USP42: variants seen among roughly 807,000 people sequenced by gnomAD.
The protein encoded by USP42 is ubiquitin specific peptidase 42.
Under a neutral mutation model 113.0 loss-of-function variants are expected in USP42, and 23 were observed. The ratio of observed to expected loss-of-function variants is 0.20; its 90% CI spans 0.15 to 0.29. The LOEUF is 0.29. USP42 is among the 10% of genes least tolerant of loss of function. USP42 has a pLI of 1.00. For synonymous variants in USP42, 933 were observed against 699.0 expected, an observed-to-expected ratio of 1.33 and a Z score of -5.28; for missense variants, 2,174 against 1,779.8, an observed-to-expected ratio of 1.22 and a Z score of -3.99.
upstream of USP42, among the ~76,000 whole-genome samples, chr7:6,103,431 G>T (rs763237987): frequency 5.9e-4 from 88 of 150,070 alleles, no homozygotes; most frequent in South Asian, 1.5e-3. Flanking sequence ...AGGTACTTAG[G>T]AGGCTGAGGC....
the USP42 span, among the ~76,000 whole-genome samples, chr7:6,082,130 A>C: frequency 2.7e-5 from 4 of 150,934 alleles, no homozygotes; most frequent in Non-Finnish European, 4.4e-5. Context: ...GTGCGAATTT[A>C]TCCTTTTTTT....
chr7:6,118,935 C>T (rs2128484005), intron 3 of USP42, among the ~76,000 whole-genome samples: 1 of 152,006 alleles, frequency 6.6e-6, no homozygotes, highest in African/African-American at 2.4e-5. Context: ...AGTTTTGTGG[C>T]CAACTGCAGT....
At chr7:6,115,746 T>G (rs1249095419) in intron 3 of USP42, among the ~76,000 whole-genome samples, 6 of 152,124 alleles carry the variant, frequency 3.9e-5, no homozygotes, top group East Asian at 3.9e-4. Flanking sequence ...AAGAAACATT[T>G]TATCAGCTTT....
At chr7:6,093,325 G>A in the USP42 span, among the ~76,000 whole-genome samples, 464 of 143,766 alleles carry the variant, frequency 3.2e-3, 8 homozygotes, top group Non-Finnish European at 2.1e-3. Flanking sequence ...TCACTCTGTT[G>A]CCCAGGCTGG....
At chr7:6,121,114 C>T (rs1363398597) in intron 3 of USP42, among the ~76,000 whole-genome samples, 1 of 151,860 alleles carries the variant, frequency 6.6e-6, no homozygotes, top group Non-Finnish European at 1.5e-5. Context: ...TCTCCATTTC[C>T]AGTCTGTGTA....
rs780327489 is a variant in USP42, at chr7:6,154,200, C to A, written c.2646C>A (p.Asp882Glu). 1.2e-6 allele frequency: 2 copies of A among 1,602,602 alleles called. No individual in the cohort carries two copies. The highest frequency in any genetic ancestry group is 1.7e-5 in the Admixed American group (1 of 59,666). ...LVHPSGDHAR[D>E]AQDPSQSLGA... ...ACCCCAGCGGGGACCACGCCCGGGACGCTCAGGACCCATCCCAGAGCTTGG... is the reference window on the plus strand; with the variant it reads ...ACCCCAGCGGGGACCACGCCCGGGAAGCTCAGGACCCATCCCAGAGCTTGG... Residue 882 changes from aspartate to glutamate, a missense_variant, in exon 15 of 18, where the codon GAC becomes GAA. By Grantham distance (45) the Asp-to-Glu change is conservative (BLOSUM62 2). Transcript: ENST00000306177.
At chr7:6,120,053 C>T (rs1780132434) in intron 3 of USP42, among the ~76,000 whole-genome samples, 1 of 152,158 alleles carries the variant, frequency 6.6e-6, no homozygotes, top group African/African-American at 2.4e-5. Flanking sequence ...GCAACCTACG[C>T]CCCCGGGTTC....
At chr7:6,144,317 A>C in intron 9 of USP42, 121 bp downstream of exon 9, 1 of 639,690 alleles carries the variant, frequency 1.6e-6, no homozygotes. Context: ...TATTACCTAC[A>C]TTTGGGCTTC....
At chr7:6,104,011 G>A (rs1157579120), upstream of USP42, among the ~76,000 whole-genome samples, 2 of 151,304 alleles carry the variant, frequency 1.3e-5, no homozygotes, top group Admixed American at 6.6e-5. Flanking sequence ...TTGAGCCCGG[G>A]AGGTCGCAGC....
chr7:6,083,214 C>T, the USP42 span, among the ~76,000 whole-genome samples: 5 of 146,184 alleles, frequency 3.4e-5, no homozygotes, highest in Admixed American at 1.4e-4. Context: ...CGTGAGCCAC[C>T]GCACCCAGCT....
At chr7:6,114,676 ATATTTTTTTTTT>A (rs1562805275) in intron 2 of USP42, among the ~76,000 whole-genome samples, 9 of 31,264 alleles carry the variant, frequency 2.9e-4, no homozygotes, top group Admixed American at 1.1e-3. Flanking sequence ...ATATATATAT[ATATTTTTTTTTT>A]TTTTTTTTTT....
chr7:6,156,226 T>C (rs1380983929), intron 15 of USP42, among the ~76,000 whole-genome samples: 1 of 152,158 alleles, frequency 6.6e-6, no homozygotes, highest in East Asian at 1.9e-4. Context: ...GGAAAAATAA[T>C]ATTGCTGCCA....
intron 3 of USP42, among the ~76,000 whole-genome samples, chr7:6,121,364 TCATGATG>T (rs532641591): frequency 1.0e-3 from 154 of 152,326 alleles, no homozygotes; most frequent in Non-Finnish European, 1.2e-3. Context: ...TCACACTTGG[TCATGATG>T]CATTATTCTA....
intron 3 of USP42, among the ~76,000 whole-genome samples, chr7:6,125,791 A>G (rs1367183164): frequency 7.3e-6 from 1 of 136,436 alleles, no homozygotes; most frequent in Middle Eastern, 3.8e-3. Context: ...GGGGTTGTTT[A>G]TTTTACTTTG....
In USP42 at chr7:6,131,957, C is replaced by G. The variant is rs78782974; in HGVS notation, c.443-3884C>G. Among the ~76,000 whole-genome samples the G allele has an allele frequency of 3.8e-3, 584 of 152,250 alleles. 2 individuals are homozygous for G. The highest frequency in any genetic ancestry group is 0.013 in the African/African-American group (560 of 41,556). On this transcript the variant is annotated intron_variant, in intron 3 of 17. Transcript: ENST00000306177. ...TTAACATTATTTGTCTTTTTTGAGA[C>G]AGGCTGTCACTCTCACCCAGGCTAG...
intron 8 of USP42, among the ~76,000 whole-genome samples, 160 bp downstream of exon 8, chr7:6,143,174 G>A (rs1010645176): frequency 3.9e-5 from 6 of 152,162 alleles, no homozygotes; most frequent in African/African-American, 9.7e-5. Context: ...AGCCCGGAGT[G>A]TCTTGATGTG....
rs369951067 is a variant in USP42 at position 6,150,313 on chromosome 7, G to C, written c.2106+11G>C. On this transcript the variant is annotated intron_variant, in intron 13 of 17. Transcript: ENST00000306177. ...GGTCTTCCTGGAAAGGTGAGTGCAC[G>C]TCAGGGTCTTCAGCCTCGTTTGTGG... The C allele has an allele frequency of 1.2e-6, 2 of 1,612,130 alleles. No individual in the cohort carries two copies. The highest frequency in any genetic ancestry group is 2.2e-5 in the South Asian group (2 of 90,994).
Position 6,147,815 on chromosome 7 carries a change from A to G in USP42, c.1309A>G (p.Ile437Val), listed in dbSNP as rs764173817. Residue 437 changes from isoleucine (I) to valine (V), a missense_variant, in exon 12 of 18, where the codon ATC becomes GTC. Ile to Val is a conservative substitution (Grantham distance 29). Transcript: ENST00000306177. ...CGGCCAGTCCTCTCCCCGCCCCGTC[A>G]TCAGTCAGCGGGTTGTCACCAACAA... The part of the protein sequence containing the change: ...SPGQSSPRPV[I>V]SQRVVTNKQA... The G allele has an allele frequency of 6.2e-7, 1 of 1,613,680 alleles. No homozygotes were observed.
chr7:6,111,354 C>T lies in USP42; in HGVS notation c.221C>T (p.Pro74Leu), dbSNP rs868632143. The T allele has an allele frequency of 1.9e-6, 3 of 1,611,672 alleles. No individual in the cohort carries two copies. The highest frequency in any genetic ancestry group is 2.7e-5 in the African/African-American group (2 of 74,888). The change falls in exon 2 of 18, where the codon CCA (proline) becomes CTA (leucine). Residue 74 changes from proline (P) to leucine (L), a missense_variant. Pro to Leu is a moderately conservative substitution (Grantham distance 98). Coordinates refer to ENST00000306177, the MANE Select transcript of USP42 (RefSeq NM_032172.3). ...SSSSVPDKSK[P>L]SPQKDQALGD... Reference sequence around the variant, plus strand: ...TCATCTGTACCTGATAAATCAAAACCATCACCACAAAAGGATCAAGGTACT... The same window carrying T: ...TCATCTGTACCTGATAAATCAAAACTATCACCACAAAAGGATCAAGGTACT...
Sources: gnomAD v4.1 joint callset for allele counts (sites outside exome capture counted in the v4.1 genomes callset) on GRCh38, gnomAD v4.1.1 for gene constraint, MANE v1.5 for transcripts, NCBI Gene and HGNC (gene_info 2026-07-23, HGNC 2026-07-21) for gene names.